The following ADAMTS19 variants were observed in gnomAD, a reference collection of about 807,000 sequenced individuals.
The protein encoded by ADAMTS19 is A disintegrin and metalloproteinase with thrombospondin motifs 19.
Under a neutral mutation model 153.3 loss-of-function variants are expected in ADAMTS19, and 93 were observed. That is an observed-to-expected ratio of 0.61 (90% confidence interval 0.51 to 0.72). ADAMTS19 has a LOEUF of 0.72. ADAMTS19 is among the 30% of genes least tolerant of loss of function. ADAMTS19 has a pLI of 0.00. For missense variants in ADAMTS19, 1,482 were observed against 1,552.1 expected (o/e 0.95, Z 0.76); for synonymous variants, 600 against 556.6 (o/e 1.08, Z -1.10).
chr5:129,536,363 T>C (rs56300438), intron 6 of ADAMTS19, among the ~76,000 whole-genome samples: 1 of 152,264 alleles, frequency 6.6e-6, no homozygotes, highest in African/African-American at 2.4e-5. Flanking sequence ...CACAATGAGA[T>C]ACCATCTCAC....
At chr5:129,689,198 A>G (rs913987767) in intron 18 of ADAMTS19, among the ~76,000 whole-genome samples, 1 of 152,146 alleles carries the variant, frequency 6.6e-6, no homozygotes, top group African/African-American at 2.4e-5. Flanking sequence ...AAATAAGCCA[A>G]CATTCCACAT....
At chr5:129,549,167 AAAGTAT>A (rs1315277199) in intron 6 of ADAMTS19, among the ~76,000 whole-genome samples, 1 of 149,054 alleles carries the variant, frequency 6.7e-6, no homozygotes, top group Non-Finnish European at 1.5e-5. Flanking sequence ...CCTAAAACTT[AAAGTAT>A]AATAATAATA....
At chr5:129,563,577 A>G (rs1753597433) in intron 7 of ADAMTS19, among the ~76,000 whole-genome samples, 2 of 152,192 alleles carry the variant, frequency 1.3e-5, no homozygotes, top group South Asian at 2.1e-4. Flanking sequence ...TGGGACATAT[A>G]CTTTTGCAGA....
At chr5:129,642,089 A>T (rs17163230) in intron 11 of ADAMTS19, 129 bp downstream of exon 11, 1 of 440,244 alleles carries the variant, frequency 2.3e-6, no homozygotes, top group Admixed American at 4.2e-5. Context: ...ATACAAAAAT[A>T]TTAGTATTTC....
chr5:129,735,637 C>A (rs1342582557), intron 22 of ADAMTS19, among the ~76,000 whole-genome samples: 1 of 151,990 alleles, frequency 6.6e-6, no homozygotes, highest in Non-Finnish European at 1.5e-5. Flanking sequence ...ATAAAAAATA[C>A]ATTCTAGTAA....
intron 3 of ADAMTS19, among the ~76,000 whole-genome samples, chr5:129,526,070 C>A (rs1010259000): frequency 1.2e-4 from 18 of 151,960 alleles, no homozygotes; most frequent in African/African-American, 4.3e-4. Context: ...GAAACTCAGG[C>A]TGACTGAGTG....
chr5:129,635,278 A>G (rs2127008569), intron 10 of ADAMTS19, among the ~76,000 whole-genome samples: 1 of 152,320 alleles, frequency 6.6e-6, no homozygotes, highest in South Asian at 2.1e-4. Context: ...TGAGATGTGG[A>G]GAAAAGGGAA....
chr5:129,705,921 AAC>A (rs1756130488), intron 21 of ADAMTS19, among the ~76,000 whole-genome samples: 1 of 152,180 alleles, frequency 6.6e-6, no homozygotes, highest in Admixed American at 6.5e-5. Context: ...ATGAAAATGG[AAC>A]AGTGTTTTCA....
intron 16 of ADAMTS19, among the ~76,000 whole-genome samples, chr5:129,678,196 A>C (rs1754636842): frequency 6.6e-6 from 1 of 152,144 alleles, no homozygotes; most frequent in Admixed American, 6.5e-5. Context: ...CTCCCTTCAT[A>C]ATCTGCTTCA....
chr5:129,594,728 T>C (rs1046984677), intron 7 of ADAMTS19, among the ~76,000 whole-genome samples: 2 of 152,100 alleles, frequency 1.3e-5, no homozygotes, highest in Admixed American at 1.3e-4. Flanking sequence ...AATTTTAAAG[T>C]TTTTATTTCA....
At chr5:129,530,792 G>T (rs976442651) in intron 6 of ADAMTS19, among the ~76,000 whole-genome samples, 4 of 147,216 alleles carry the variant, frequency 2.7e-5, no homozygotes, top group African/African-American at 1.0e-4. Flanking sequence ...TCGTACTGAA[G>T]ATCATAACCA....
In ADAMTS19 at chr5:129,522,330, C is replaced by CATATAT. The variant is rs1205280756; in HGVS notation, c.914-3953_914-3952insTATATA. ...ATATATATATATACACACACACACA[C>CATATAT]ACATATATATATATATATATATATA... is the stretch of plus-strand genomic sequence containing the variant. On this transcript the variant is annotated intron_variant, in intron 3 of 22. Transcript: ENST00000274487. Among the ~76,000 whole-genome samples, 354 of 70,814 alleles carry CATATAT rather than the reference C, an allele frequency of 5.0e-3. 2 individuals are homozygous for CATATAT. Among genetic ancestry groups the CATATAT allele is most frequent in the African/African-American group, 0.018 (262 of 14,400 alleles). 46.5% of individuals were successfully genotyped at this position (70,814 alleles called of 152,430 possible).
chr5:129,464,206 T>C (rs1749781219), intron 2 of ADAMTS19, among the ~76,000 whole-genome samples: 1 of 152,224 alleles, frequency 6.6e-6, no homozygotes, highest in African/African-American at 2.4e-5. Context: ...GATCTTAAAA[T>C]GTCTAGAGAT....
intron 3 of ADAMTS19, among the ~76,000 whole-genome samples, chr5:129,520,093 G>A (rs1411222849): frequency 6.6e-6 from 1 of 152,068 alleles, no homozygotes; most frequent in Non-Finnish European, 1.5e-5. Context: ...TGTGATTTTT[G>A]TGCATATTTA....
intron 19 of ADAMTS19, among the ~76,000 whole-genome samples, chr5:129,698,572 T>C (rs1330166542): frequency 6.6e-6 from 1 of 152,224 alleles, no homozygotes; most frequent in African/African-American, 2.4e-5. Flanking sequence ...ATACGTTTTA[T>C]ATTTTAGTTC....
chr5:129,501,997 A>T lies in ADAMTS19; in HGVS notation c.748-7080A>T, dbSNP rs569904555. Among the ~76,000 whole-genome samples the T allele has an allele frequency of 5.9e-5, 9 of 152,172 alleles. 1 individual carries two copies. In the South Asian group the frequency reaches 1.9e-3, roughly 32 times the overall value. ...CAAGGGAAGTGAGAGAGGAGAGTTA[A>T]TCTTGAAGGGTGGCGGTGGACTATG... On this transcript the variant is annotated intron_variant, in intron 2 of 22. Coordinates refer to ENST00000274487, the MANE Select transcript of ADAMTS19 (RefSeq NM_133638.6).
At chr5:129,641,756 T>C (rs1581175965) in intron 10 of ADAMTS19, 103 bp from the exon 11 acceptor site, 1 of 581,272 alleles carries the variant, frequency 1.7e-6, no homozygotes, top group Admixed American at 3.3e-5. Flanking sequence ...TTTCTTCAAA[T>C]AATTTTTGTT....
intron 2 of ADAMTS19, among the ~76,000 whole-genome samples, chr5:129,505,785 A>G (rs115807939): frequency 0.064 from 9,670 of 152,228 alleles, 406 homozygotes; most frequent in African/African-American, 0.12. Flanking sequence ...AATGCCTATG[A>G]AGATAGAAAT....
At chr5:129,523,716 G>A (rs945109418) in intron 3 of ADAMTS19, among the ~76,000 whole-genome samples, 2 of 152,004 alleles carry the variant, frequency 1.3e-5, no homozygotes, top group African/African-American at 4.8e-5. Flanking sequence ...CTACCACTGG[G>A]ATCAGACTAT....
Sources: gnomAD v4.1 joint callset for allele counts (sites outside exome capture counted in the v4.1 genomes callset) on GRCh38, gnomAD v4.1.1 for gene constraint, MANE v1.5 for transcripts, NCBI Gene and HGNC (gene_info 2026-07-23, HGNC 2026-07-21) for gene names.